The following SUPT3H variants were observed in gnomAD, a reference collection of about 807,000 sequenced individuals.
SUPT3H encodes transcription initiation protein SPT3 homolog.
Under a neutral mutation model 44.3 loss-of-function variants are expected in SUPT3H, and 44 were observed. That is an observed-to-expected ratio of 0.99 (90% CI 0.78 to 1.28). SUPT3H has a LOEUF of 1.28. Among genes scored for constraint, SUPT3H ranks in the 50% most tolerant of loss-of-function variants. The probability of loss-of-function intolerance (pLI) is 0.00; values close to 1 mark genes in which losing one functional copy is unlikely to be tolerated. For synonymous variants in SUPT3H, 124 were observed against 125.6 expected (o/e 0.99, Z 0.09); for missense variants, 380 against 387.1 (o/e 0.98, Z 0.15).
chr6:45,296,564 C>A (rs1226423169), intron 2 of SUPT3H, among the ~76,000 whole-genome samples: 1 of 151,658 alleles, frequency 6.6e-6, no homozygotes, highest in Non-Finnish European at 1.5e-5. Flanking sequence ...CACGGTGAAA[C>A]CCCGTCTCTA....
chr6:44,936,821 C>T (rs1038608223), intron 9 of SUPT3H, among the ~76,000 whole-genome samples: 9 of 152,026 alleles, frequency 5.9e-5, no homozygotes, highest in South Asian at 2.1e-4. Context: ...GCACACCTAC[C>T]GCACCTGGCT....
intron 10 of SUPT3H, among the ~76,000 whole-genome samples, chr6:44,922,034 C>T (rs1768811390): frequency 6.6e-6 from 1 of 152,210 alleles, no homozygotes. Context: ...CCCAGAGCTG[C>T]GAGTGCACTC....
rs185784557 is a variant in SUPT3H, at chr6:45,328,638, T to G, written c.101+36563A>C. 11 of 1,610,184 alleles carry G rather than the reference T, an allele frequency of 6.8e-6. No homozygotes were observed. In the African/African-American group the frequency reaches 1.5e-4, roughly 22 times the overall value. On this transcript the variant is annotated intron_variant, in intron 2 of 10. Transcript: ENST00000371459. ...GCATACTGTAAAACTAAAACAAGGT[T>G]TGGGTATGGTTTGTATTTTCAGTTT...
chr6:45,082,604 G>A (rs534560612), intron 3 of SUPT3H, among the ~76,000 whole-genome samples: 281 of 152,138 alleles, frequency 1.8e-3, no homozygotes, highest in South Asian at 0.013. Context: ...ATTCTTTCAC[G>A]ATAAAAGCCC....
At chr6:45,228,735 G>A (rs377662319) in intron 2 of SUPT3H, among the ~76,000 whole-genome samples, 2 of 152,006 alleles carry the variant, frequency 1.3e-5, no homozygotes, top group Non-Finnish European at 2.9e-5. Flanking sequence ...TACAGCCGCC[G>A]CCCCCAGAGT....
At chr6:44,887,369 T>C (rs1762491280) in intron 10 of SUPT3H, among the ~76,000 whole-genome samples, 2 of 152,124 alleles carry the variant, frequency 1.3e-5, no homozygotes, top group African/African-American at 4.8e-5. Context: ...CGGTTGGAAA[T>C]AAAGCTCTCC....
At chr6:45,117,909 G>T (rs938364458) in intron 2 of SUPT3H, among the ~76,000 whole-genome samples, 1 of 151,954 alleles carries the variant, frequency 6.6e-6, no homozygotes, top group Non-Finnish European at 1.5e-5. Flanking sequence ...TTCATCTCTA[G>T]TCTCAACAAT....
intron 2 of SUPT3H, among the ~76,000 whole-genome samples, chr6:45,121,664 T>G (rs59024254): frequency 0.019 from 2,850 of 152,194 alleles, 34 homozygotes; most frequent in South Asian, 0.029. Flanking sequence ...AGATTTTTTT[T>G]GGGTTTTTTT....
intron 7 of SUPT3H, among the ~76,000 whole-genome samples, chr6:44,958,999 C>CCAAG (rs1303127327): frequency 6.6e-6 from 1 of 151,366 alleles, no homozygotes; most frequent in Admixed American, 6.6e-5. Context: ...CCTTGGCCTC[C>CCAAG]CAAGTAGCTG....
At chr6:45,182,897 A>C (rs1584103725) in intron 2 of SUPT3H, among the ~76,000 whole-genome samples, 1 of 152,366 alleles carries the variant, frequency 6.6e-6, no homozygotes, top group East Asian at 1.9e-4. Flanking sequence ...AAAATGGTCC[A>C]GTCACTGTCA....
At chr6:45,107,306 C>A (rs1016929524) in intron 2 of SUPT3H, among the ~76,000 whole-genome samples, 10 of 152,098 alleles carry the variant, frequency 6.6e-5, no homozygotes, top group Admixed American at 3.3e-4. Flanking sequence ...ATCACAGTAA[C>A]CTACAGTCTA....
chr6:45,019,691 C>T (rs537933943), intron 4 of SUPT3H, among the ~76,000 whole-genome samples: 11 of 151,992 alleles, frequency 7.2e-5, no homozygotes, highest in East Asian at 3.9e-4. Context: ...TTGCATCTGG[C>T]GCCTTGTACC....
At chr6:45,273,515 G>C (rs1776536066) in intron 2 of SUPT3H, among the ~76,000 whole-genome samples, 1 of 152,020 alleles carries the variant, frequency 6.6e-6, no homozygotes, top group Non-Finnish European at 1.5e-5. Flanking sequence ...ACTAGATCCT[G>C]TCATACATGT....
At chr6:44,984,669 C>T (rs116367077) in intron 6 of SUPT3H, among the ~76,000 whole-genome samples, 227 of 152,234 alleles carry the variant, frequency 1.5e-3, no homozygotes, top group African/African-American at 2.0e-3. Flanking sequence ...AAACTCCCAT[C>T]GCAACTTTGC....
In SUPT3H at chr6:45,036,251, T is replaced by C. The variant is rs1181728016; in HGVS notation, c.187-15619A>G. The stretch of plus-strand genomic sequence containing the variant: ...TGAGGGGAGTTTGTGGATTACTTTA[T>C]ACAGGGTAATCAGGGCAGTACTCAC... On this transcript the variant is annotated intron_variant, in intron 3 of 10. Coordinates refer to ENST00000371459, the MANE Select transcript of SUPT3H (RefSeq NM_003599.4). Among the ~76,000 whole-genome samples the C allele has an allele frequency of 5.3e-5, 8 of 152,096 alleles. No individual in the cohort carries two copies. The South Asian group carries it at 6.2e-4, about 12-fold the overall frequency.
intron 10 of SUPT3H, among the ~76,000 whole-genome samples, chr6:44,903,800 G>T (rs139002122): frequency 1.3e-5 from 2 of 152,060 alleles, no homozygotes; most frequent in African/African-American, 4.8e-5. Flanking sequence ...CTGGCAAACC[G>T]AATCCAGCAG....
chr6:45,287,335 C>G (rs1388531466), intron 2 of SUPT3H, among the ~76,000 whole-genome samples: 1 of 152,070 alleles, frequency 6.6e-6, no homozygotes, highest in Non-Finnish European at 1.5e-5. Flanking sequence ...CCATTATTCA[C>G]AATAGCCAAA....
At chr6:45,046,146 T>C (rs571756720) in intron 3 of SUPT3H, among the ~76,000 whole-genome samples, 1 of 152,334 alleles carries the variant, frequency 6.6e-6, no homozygotes, top group African/African-American at 2.4e-5. Context: ...TTTTTCCACA[T>C]GGATACCCAG....
chr6:45,178,828 C>T (rs1044397755), intron 2 of SUPT3H, among the ~76,000 whole-genome samples: 31 of 151,980 alleles, frequency 2.0e-4, no homozygotes, highest in South Asian at 4.2e-4. Flanking sequence ...GGGTACATAA[C>T]GAAATGAAGG....
Sources: gnomAD v4.1 joint callset for allele counts (sites outside exome capture counted in the v4.1 genomes callset) on GRCh38, gnomAD v4.1.1 for gene constraint, MANE v1.5 for transcripts, NCBI Gene and HGNC (gene_info 2026-07-23, HGNC 2026-07-21) for gene names.